NWD1: variants seen among roughly 807,000 people sequenced by gnomAD.
NWD1 encodes the protein NACHT and WD repeat domain containing 1.
A neutral mutation model predicts 135.1 loss-of-function variants in NWD1; 129 were observed. The observed-to-expected ratio is 0.96, with a 90% confidence interval of 0.83 to 1.11. NWD1 has a LOEUF of 1.11. NWD1 is among the 50% of genes least tolerant of loss of function. NWD1 has a pLI of 0.00. For synonymous variants in NWD1, 773 were observed against 786.0 expected (o/e 0.98, Z 0.28); for missense variants, 1,740 against 1,851.3 (o/e 0.94, Z 1.10).
intron 3 of NWD1, among the ~76,000 whole-genome samples, chr19:16,733,050 C>T (rs935305967): frequency 4.6e-5 from 7 of 151,748 alleles, no homozygotes; most frequent in South Asian, 2.1e-4. Flanking sequence ...AACAAGATCC[C>T]GTCTCTATAA....
intron 4 of NWD1, among the ~76,000 whole-genome samples, chr19:16,738,577 A>C (rs1185223147): frequency 6.7e-6 from 1 of 150,368 alleles, no homozygotes. Flanking sequence ...AAAAAAAAAA[A>C]AAAAAAAGGA....
chr19:16,809,217 G>A (rs1970847985), intron 18 of NWD1, among the ~76,000 whole-genome samples: 1 of 151,668 alleles, frequency 6.6e-6, no homozygotes, highest in Non-Finnish European at 1.5e-5. Context: ...CCAAGTAGCT[G>A]GGATTACAGA....
At chr19:16,755,232 G>A (rs1968745061) in intron 6 of NWD1, among the ~76,000 whole-genome samples, 1 of 151,516 alleles carries the variant, frequency 6.6e-6, no homozygotes, top group Admixed American at 6.6e-5. Flanking sequence ...TTTTTTGGGG[G>A]GGGACAGGGT....
intron 15 of NWD1, among the ~76,000 whole-genome samples, chr19:16,797,323 C>T (rs1176859880): frequency 1.4e-5 from 2 of 147,666 alleles, no homozygotes; most frequent in South Asian, 2.1e-4. Flanking sequence ...GGTTCCAAAA[C>T]ATCTCTTTTT....
intron 10 of NWD1, 33 bp from the exon 11 acceptor site, chr19:16,773,093 C>A: frequency 6.2e-7 from 1 of 1,600,828 alleles, no homozygotes; most frequent in Non-Finnish European, 8.6e-7. Flanking sequence ...GGGGCTCAAT[C>A]CAGGCAACTT....
At chr19:16,742,912 T>TA (rs1968145094) in intron 4 of NWD1, among the ~76,000 whole-genome samples, 1 of 143,864 alleles carries the variant, frequency 7.0e-6, no homozygotes, top group African/African-American at 2.6e-5. Context: ...TTATTATTAT[T>TA]ATTATTATTA....
chr19:16,763,094 G>C (rs1969084023), intron 8 of NWD1, among the ~76,000 whole-genome samples: 1 of 151,846 alleles, frequency 6.6e-6, no homozygotes, highest in African/African-American at 2.4e-5. Context: ...CACCTAGCCT[G>C]GTGCTGACCC....
At position 16,749,866 on chromosome 19, in the gene NWD1, C is replaced by A. The variant is rs754193428; in HGVS notation, c.1224C>A (p.Asp408Glu). ...CCTTGCCCCCTGCCCAGGTTCTGGACGCCCACACCAGGGTGGTCCAGTTTT... is the reference window on the plus strand; with the variant it reads ...CCTTGCCCCCTGCCCAGGTTCTGGAAGCCCACACCAGGGTGGTCCAGTTTT... ...GLPLPPAQVL[D>E]AHTRVVQFFH... Residue 408 changes from aspartate (D) to glutamate (E), a missense_variant, in exon 6 of 19, where the codon GAC (aspartate) becomes GAA (glutamate). Transcript: ENST00000524140. 2.3e-5 allele frequency: 37 copies of A among 1,613,086 alleles called. No individual in the cohort carries two copies. The highest frequency in any genetic ancestry group is 3.1e-5 in the Non-Finnish European group (36 of 1,179,882).
intron 10 of NWD1, among the ~76,000 whole-genome samples, chr19:16,767,893 A>C (rs2122921300): frequency 6.6e-6 from 1 of 151,588 alleles, no homozygotes. Context: ...GGTATTTTAC[A>C]GTATTTGTCC....
intron 12 of NWD1, among the ~76,000 whole-genome samples, chr19:16,779,792 A>T (rs1017210889): frequency 2.0e-5 from 3 of 151,948 alleles, no homozygotes; most frequent in Non-Finnish European, 4.4e-5. Context: ...ACATACCACT[A>T]TACCCAGCTA....
intron 13 of NWD1, 67 bp downstream of exon 13, chr19:16,789,257 A>G (rs1001114679): frequency 1.5e-6 from 2 of 1,295,730 alleles, no homozygotes; most frequent in African/African-American, 2.9e-5. Flanking sequence ...AGAATAGGCC[A>G]TTTCTATAAG....
chr19:16,736,861 C>G (rs1967842649), intron 4 of NWD1, 111 bp downstream of exon 4: 1 of 707,848 alleles, frequency 1.4e-6, no homozygotes, highest in Non-Finnish European at 2.5e-6. Context: ...GCTTTCGTAC[C>G]TTATCCCTAT....
chr19:16,730,911 CTT>C (rs11445714), intron 2 of NWD1, among the ~76,000 whole-genome samples: 12 of 122,848 alleles, frequency 9.8e-5, no homozygotes, highest in African/African-American at 1.8e-4. Context: ...TTCTTTCTTT[CTT>C]TTTTTTTTTT....
In NWD1 at chr19:16,744,457, C is replaced by A; in HGVS notation, c.235C>A (p.Pro79Thr). The change falls in exon 5 of 19, where the codon CCC becomes ACC. Residue 79 changes from proline to threonine, a missense_variant. By Grantham distance (38) the Pro-to-Thr change is conservative. Transcript: ENST00000524140. ...TGATCAGTACGGCCCCTGTCTGATT[C>A]CCTCGCGGATCGATGAGAAGGAGTG... ...IGDQYGPCLI[P>T]SRIDEKEWEV... 1.3e-6 allele frequency: 2 copies of A among 1,535,652 alleles called. No individual in the cohort carries two copies. Among genetic ancestry groups the A allele is most frequent in the South Asian group, 1.2e-5 (1 of 84,046 alleles).
At chr19:16,736,808 T>TACAGA (rs1967839365) in intron 4 of NWD1, 58 bp downstream of exon 4, 1 of 1,014,488 alleles carries the variant, frequency 9.9e-7, no homozygotes, top group South Asian at 1.4e-5. Context: ...GCCCCCTGCT[T>TACAGA]TCTAGACAAA....
chr19:16,783,777 G>A (rs536773797), intron 12 of NWD1, among the ~76,000 whole-genome samples: 1 of 151,116 alleles, frequency 6.6e-6, no homozygotes, highest in Non-Finnish European at 1.5e-5. Flanking sequence ...AAAATATTTG[G>A]GAAAAAAATA....
Position 16,761,988 on chromosome 19 carries a change from C to T in NWD1, c.1983C>T (p.Val661=), listed in dbSNP as rs749256547. The T allele has an allele frequency of 5.6e-6, 9 of 1,613,758 alleles. No homozygotes were observed. Among genetic ancestry groups the T allele is most frequent in the Middle Eastern group, 1.6e-4 (1 of 6,062 alleles). ...TLLAIAHRQL[V]EVVRERYLSG... ...TATACCCTCTCTGTAGACAGCTGGT[C>T]GAGGTGGTCCGTGAGCGCTACCTGT... The change falls in exon 8 of 19, where the codon GTC becomes GTT. Residue 661 remains valine, a synonymous_variant. Transcript: ENST00000524140.
chr19:16,744,579 C>G lies in NWD1; in HGVS notation c.357C>G (p.Tyr119Ter). Residue 119 changes from tyrosine to a stop codon, truncating the protein, a stop_gained, in exon 5 of 19, where the codon TAC becomes TAG. Transcript: ENST00000524140. LOFTEE classifies it high-confidence loss of function. ...ACGAGAATGCGTTTCCTCCCACCTA[C>G]GTCCTGCAGGCACCAGGTACTGGGG... ...QRDENAFPPT[Y>*]VLQAPGTGEA... 1 of 1,535,028 alleles carries G rather than the reference C, an allele frequency of 6.5e-7. No individual in the cohort carries two copies. Among genetic ancestry groups the G allele is most frequent in the Non-Finnish European group, 8.7e-7 (1 of 1,146,266 alleles).
At position 16,811,381 on chromosome 19, in the gene NWD1, C is replaced by G. The variant is rs182631720; in HGVS notation, c.4287+3245C>G. 1.7e-4 allele frequency among the ~76,000 whole-genome samples: 26 copies of G among 151,790 alleles called. No homozygotes were observed. The East Asian group carries it at 4.3e-3, about 25-fold the overall frequency. Reference sequence around the variant, plus strand: ...GGTGGATCACTTGAGGTCAGGAGTTCGAGACCAGCCTGACCAACATGGTGA... The same window carrying G: ...GGTGGATCACTTGAGGTCAGGAGTTGGAGACCAGCCTGACCAACATGGTGA... On this transcript the variant is annotated intron_variant, in intron 18 of 18. Coordinates refer to ENST00000524140, the MANE Select transcript of NWD1 (RefSeq NM_001007525.5).
Sources: gnomAD v4.1 joint callset for allele counts (sites outside exome capture counted in the v4.1 genomes callset) on GRCh38, gnomAD v4.1.1 for gene constraint, MANE v1.5 for transcripts, NCBI Gene and HGNC (gene_info 2026-07-23, HGNC 2026-07-21) for gene names.